PHC3: variants seen among roughly 807,000 people sequenced by gnomAD.
The protein encoded by PHC3 is polyhomeotic homolog 3, also known as polyhomeotic-like protein 3.
In PHC3, 13 loss-of-function variants were observed where a neutral mutation model predicts 107.4. That is an observed-to-expected ratio of 0.12 (90% CI 0.08 to 0.19). PHC3 has a LOEUF of 0.19. Among genes scored for constraint, PHC3 ranks in the 10% least tolerant of loss-of-function variants. The pLI is 1.00. For missense variants in PHC3, 992 were observed against 1,210.9 expected (o/e 0.82, Z 2.68); for synonymous variants, 456 against 427.4 (o/e 1.07, Z -0.83).
At chr3:170,118,858 C>T (rs1407085852) in intron 9 of PHC3, among the ~76,000 whole-genome samples, 3 of 151,612 alleles carry the variant, frequency 2.0e-5, no homozygotes, top group African/African-American at 7.3e-5. Context: ...GTCTGGAATT[C>T]CTAGACTCAA....
At chr3:170,152,378 G>C (rs745437060) in intron 4 of PHC3, among the ~76,000 whole-genome samples, 2 of 142,824 alleles carry the variant, frequency 1.4e-5, no homozygotes, top group Non-Finnish European at 3.0e-5. Context: ...AGTAGAGACA[G>C]GGTTTCATGG....
In PHC3 at chr3:170,097,448, C is replaced by A; in HGVS notation, c.2834-64G>T. The A allele has an allele frequency of 6.7e-7, 1 of 1,501,998 alleles. No individual in the cohort carries two copies. The highest frequency in any genetic ancestry group is 9.0e-7 in the Non-Finnish European group (1 of 1,107,422). The allele number at this position is 1,501,998 out of a possible 1,614,324, so 93.0% of individuals were successfully genotyped here. ...TACAACAATTAGACATTACTCCTAA[C>A]AGTCACAGTTATGCTCTCACTGGGT... On this transcript the variant is annotated intron_variant, in intron 14 of 14. Coordinates refer to ENST00000495893, the MANE Select transcript of PHC3 (RefSeq NM_024947.4). The surrounding 1 kb of genome is among the most constrained non-coding windows in gnomAD (Gnocchi z 4.1).
At chr3:170,142,006 G>T (rs978793377) in intron 6 of PHC3, among the ~76,000 whole-genome samples, 2 of 152,158 alleles carry the variant, frequency 1.3e-5, no homozygotes, top group African/African-American at 4.8e-5. Flanking sequence ...AACAAAAATA[G>T]TAGTTAGCAG....
intron 11 of PHC3, among the ~76,000 whole-genome samples, chr3:170,110,522 A>C (rs1442338347): frequency 6.6e-6 from 1 of 152,186 alleles, no homozygotes; most frequent in Admixed American, 6.5e-5. Context: ...AAACCCACCA[A>C]ACTAGGAATA....
rs1560143881 is a variant in PHC3, at chr3:170,178,801, T to G, written c.152A>C (p.Tyr51Ser). 2 of 1,614,018 alleles carry G rather than the reference T, an allele frequency of 1.2e-6. No individual in the cohort carries two copies. Among genetic ancestry groups the G allele is most frequent in the South Asian group, 2.2e-5 (2 of 91,084 alleles). ...TACAGCATGTCGGTCTGAACCACTG[T>G]AGACAGAGATCTGTGGCTGCTGCAT... ...SRMQQPQISV[Y>S]SGSDRHAVQV... The change falls in exon 2 of 15, where the codon TAC becomes TCC. Residue 51 changes from tyrosine (Y) to serine (S), a missense_variant. By Grantham distance (144) the Tyr-to-Ser change is moderately radical. Around this residue, in one of 6 missense-constraint regions of PHC3, gnomAD observed 161 missense variants for 183.7 expected, o/e 0.88. Transcript: ENST00000495893.
At chr3:170,120,931 G>C (rs1468591089) in intron 9 of PHC3, among the ~76,000 whole-genome samples, 2 of 152,166 alleles carry the variant, frequency 1.3e-5, no homozygotes, top group Admixed American at 1.3e-4. Flanking sequence ...ACCAAGATTA[G>C]TATTATTCAG....
intron 3 of PHC3, among the ~76,000 whole-genome samples, chr3:170,171,848 G>A (rs974216641): frequency 2.6e-5 from 4 of 152,208 alleles, no homozygotes; most frequent in Admixed American, 6.5e-5. Context: ...AGAAGCAACA[G>A]CTGAGAATCT....
At chr3:170,128,554 T>A in intron 8 of PHC3, 130 bp downstream of exon 8, 1 of 1,244,110 alleles carries the variant, frequency 8.0e-7, no homozygotes, top group Non-Finnish European at 1.1e-6. Flanking sequence ...TTTGTCAGAA[T>A]ACTGACACAT....
chr3:170,128,343 A>C, intron 8 of PHC3: 1 of 1,285,264 alleles, frequency 7.8e-7, no homozygotes, highest in Non-Finnish European at 1.0e-6. Flanking sequence ...TAATCACCTT[A>C]AGAGAAAAAA....
chr3:170,102,938 A>C lies in PHC3; in HGVS notation c.2469-4T>G. On this transcript the variant is annotated splice_region_variant and splice_polypyrimidine_tract_variant and intron_variant, in intron 12 of 14. Coordinates refer to ENST00000495893, the MANE Select transcript of PHC3 (RefSeq NM_024947.4). ...TTTAGAACAGCTAACATTGTACCTA[A>C]GAAATTCAAGAAAGAAAAAATATTT... 1 of 1,604,722 alleles carries C rather than the reference A, an allele frequency of 6.2e-7. No individual in the cohort carries two copies. The highest frequency in any genetic ancestry group is 8.5e-7 in the Non-Finnish European group (1 of 1,174,490).
At chr3:170,120,904 C>T (rs927880308) in intron 9 of PHC3, among the ~76,000 whole-genome samples, 2 of 152,162 alleles carry the variant, frequency 1.3e-5, no homozygotes, top group South Asian at 2.1e-4. Context: ...GAACAGAATA[C>T]GTACAACAAA....
intron 11 of PHC3, among the ~76,000 whole-genome samples, chr3:170,109,045 T>A (rs1375711515): frequency 6.6e-6 from 1 of 152,200 alleles, no homozygotes; most frequent in Non-Finnish European, 1.5e-5. Flanking sequence ...CAAAAATTCT[T>A]GTTCTAATGT....
At chr3:170,144,421 G>A (rs1247259442) in intron 6 of PHC3, among the ~76,000 whole-genome samples, 2 of 151,486 alleles carry the variant, frequency 1.3e-5, no homozygotes, top group African/African-American at 4.8e-5. Context: ...CCACTTTGGG[G>A]CTATTCTGAG....
chr3:170,132,834 G>C (rs1233764750), intron 7 of PHC3, among the ~76,000 whole-genome samples: 1 of 152,162 alleles, frequency 6.6e-6, no homozygotes, highest in Non-Finnish European at 1.5e-5. Context: ...AATTAAGCTA[G>C]TTTCATAAAA....
At chr3:170,136,785 C>G in intron 6 of PHC3, 120 bp from the exon 7 acceptor site, 1 of 1,038,268 alleles carries the variant, frequency 9.6e-7, no homozygotes, top group Non-Finnish European at 1.4e-6. Context: ...ACGTAAAGCT[C>G]CAAGCACTTG....
At chr3:170,172,819 A>G in intron 2 of PHC3, 107 bp from the exon 3 acceptor site, 1 of 1,083,758 alleles carries the variant, frequency 9.2e-7, no homozygotes, top group Non-Finnish European at 1.3e-6. Flanking sequence ...CTGCTTTAAT[A>G]CATAATATCA....
chr3:170,165,651 G>A (rs912771379), intron 4 of PHC3, among the ~76,000 whole-genome samples: 1 of 151,402 alleles, frequency 6.6e-6, no homozygotes, highest in Non-Finnish European at 1.5e-5. Flanking sequence ...CTACTTGGGA[G>A]GGTGAGGCAT....
chr3:170,164,787 G>T (rs1451291401), intron 4 of PHC3, among the ~76,000 whole-genome samples: 2 of 152,156 alleles, frequency 1.3e-5, no homozygotes, highest in African/African-American at 4.8e-5. Context: ...CCCAACAAAA[G>T]CCTGCTCTTT....
At chr3:170,132,096 T>C (rs1479544488) in intron 7 of PHC3, among the ~76,000 whole-genome samples, 1 of 152,200 alleles carries the variant, frequency 6.6e-6, no homozygotes, top group Non-Finnish European at 1.5e-5. Flanking sequence ...AAAAATCCTA[T>C]CATGTTGGTT....
Sources: allele counts gnomAD v4.1 joint callset (sites outside exome capture counted in the v4.1 genomes callset), GRCh38; gene constraint gnomAD v4.1.1; regional missense constraint gnomAD v4.1.1; non-coding constraint Gnocchi (gnomAD v3.1); transcripts MANE v1.5; gene names NCBI Gene and HGNC (gene_info 2026-07-23, HGNC 2026-07-21).